The following PRKN variants were observed in gnomAD, a reference collection of about 807,000 sequenced individuals.
The protein encoded by PRKN is parkin RBR E3 ubiquitin protein ligase, also known as E3 ubiquitin-protein ligase parkin.
A neutral mutation model predicts 59.5 loss-of-function variants in PRKN; 56 were observed. The ratio of observed to expected loss-of-function variants is 0.94; its 90% confidence interval spans 0.76 to 1.18. PRKN has a LOEUF of 1.18. PRKN is among the 50% of genes most tolerant of loss of function. The probability of loss-of-function intolerance (pLI) is 0.00; values close to 1 mark genes in which losing one functional copy is unlikely to be tolerated. For missense variants in PRKN, 657 were observed against 596.4 expected (o/e 1.10, Z -1.06); for synonymous variants, 250 against 222.1 (o/e 1.13, Z -1.12).
rs1780762908 is a variant in PRKN at position 161,970,539 on chromosome 6, A to G, written c.734+2763T>C. On this transcript the variant is annotated intron_variant, in intron 6 of 11. Coordinates refer to ENST00000366898, the MANE Select transcript of PRKN (RefSeq NM_004562.3). ...CATGAGGGTAAAAATAACTTCTAAC[A>G]CTTTTTTTTTTTCTTGAGACGGAGT... 2.0e-5 allele frequency among the ~76,000 whole-genome samples: 3 copies of G among 149,430 alleles called. No individual in the cohort carries two copies. In the South Asian group the frequency reaches 6.4e-4, roughly 32 times the overall value.
chr6:161,707,069 G>C (rs1407950126), intron 7 of PRKN, among the ~76,000 whole-genome samples: 3 of 152,084 alleles, frequency 2.0e-5, no homozygotes, highest in Admixed American at 6.5e-5. Flanking sequence ...CTCATTGTCG[G>C]TTTTATACAT....
intron 9 of PRKN, among the ~76,000 whole-genome samples, chr6:161,534,946 G>C (rs751130892): frequency 2.4e-4 from 36 of 152,236 alleles, no homozygotes; most frequent in Non-Finnish European, 4.3e-4. Flanking sequence ...ACTTCTGTTA[G>C]AAATGTAAAT....
At position 161,481,419 on chromosome 6, in the gene PRKN, A is replaced by G. The variant is rs79241786; in HGVS notation, c.1083+67435T>C. On this transcript the variant is annotated intron_variant, in intron 9 of 11. Coordinates refer to ENST00000366898, the MANE Select transcript of PRKN (RefSeq NM_004562.3). Reference sequence around the variant, plus strand: ...AGAGATTGAGACCATCCTGGCCAACATGGTGAAACCCCATCTCTACTAAAA... The same window carrying G: ...AGAGATTGAGACCATCCTGGCCAACGTGGTGAAACCCCATCTCTACTAAAA... Among the ~76,000 whole-genome samples, 47 of 152,232 alleles carry G rather than the reference A, an allele frequency of 3.1e-4. No homozygotes were observed. In the East Asian group the frequency reaches 7.1e-3, roughly 23 times the overall value.
chr6:162,262,708 C>T lies in PRKN; in HGVS notation c.229G>A (p.Gly77Ser). The T allele has an allele frequency of 6.2e-7, 1 of 1,612,284 alleles. No homozygotes were observed. Among genetic ancestry groups the T allele is most frequent in the East Asian group, 2.2e-5 (1 of 44,822 alleles). The change falls in exon 3 of 12, where the codon GGT (glycine) becomes AGT (serine). Residue 77 changes from glycine to serine, a missense_variant. Coordinates refer to ENST00000366898, the MANE Select transcript of PRKN (RefSeq NM_004562.3). ...CCTCCAGTTGCATTCATTTCTTGACCTTTTCTCCACGGTCTCTGCACAATG... is the reference window on the plus strand; with the variant it reads ...CCTCCAGTTGCATTCATTTCTTGACTTTTTCTCCACGGTCTCTGCACAATG... ...VHIVQRPWRKGQEMNATGGDD... is the reference protein window; with the variant it reads ...VHIVQRPWRKSQEMNATGGDD...
At chr6:162,093,128 G>A (rs1460257632) in intron 4 of PRKN, among the ~76,000 whole-genome samples, 3 of 152,230 alleles carry the variant, frequency 2.0e-5, no homozygotes, top group South Asian at 2.1e-4. Context: ...TACAGATAGG[G>A]CTATCACAGT....
chr6:162,166,314 T>C (rs978128011), intron 4 of PRKN, among the ~76,000 whole-genome samples: 1 of 152,098 alleles, frequency 6.6e-6, no homozygotes, highest in African/African-American at 2.4e-5. Context: ...CATGACTCTT[T>C]ATATGACCCT....
intron 6 of PRKN, among the ~76,000 whole-genome samples, chr6:161,903,624 C>T (rs1583323860): frequency 1.3e-5 from 2 of 151,912 alleles, no homozygotes; most frequent in South Asian, 2.1e-4. Flanking sequence ...GACATGAGCT[C>T]ATATTTTATT....
chr6:161,785,045 T>C (rs529908915), intron 7 of PRKN, among the ~76,000 whole-genome samples: 168 of 152,274 alleles, frequency 1.1e-3, no homozygotes, highest in Non-Finnish European at 1.8e-3. Context: ...TTATAGGAAA[T>C]ACCTACAATA....
At chr6:162,448,974 G>A (rs558712931) in intron 1 of PRKN, among the ~76,000 whole-genome samples, 34 of 150,072 alleles carry the variant, frequency 2.3e-4, no homozygotes, top group Non-Finnish European at 3.7e-4. Flanking sequence ...TGCAACCTCC[G>A]CCTCGCAGGT....
At position 161,487,099 on chromosome 6, in the gene PRKN, C is replaced by T. The variant is rs996096383; in HGVS notation, c.1083+61755G>A. Among the ~76,000 whole-genome samples the T allele has an allele frequency of 3.9e-5, 6 of 152,074 alleles. No homozygotes were observed. The highest frequency in any genetic ancestry group is 9.7e-5 in the African/African-American group (4 of 41,398). On this transcript the variant is annotated intron_variant, in intron 9 of 11. Coordinates refer to ENST00000366898, the MANE Select transcript of PRKN (RefSeq NM_004562.3). This position sits in a 1 kb window ranked among gnomAD's most constrained non-coding sequence, Gnocchi z 5.3. ...AAAGATGGGTGTCCTGGTTGAGGGG[C>T]GATGAGGTAAGAATGACTAATGCTT...
In PRKN at chr6:161,562,126, C is replaced by T. The variant is rs1373480179; in HGVS notation, c.933+7229G>A. 6.6e-6 allele frequency among the ~76,000 whole-genome samples: 1 copy of T among 152,048 alleles called. No homozygotes were observed. Among genetic ancestry groups the T allele is most frequent in the African/African-American group, 2.4e-5 (1 of 41,396 alleles). On this transcript the variant is annotated intron_variant, in intron 8 of 11. Transcript: ENST00000366898. The surrounding 1 kb of genome is among the most constrained non-coding windows in gnomAD (Gnocchi z 4.3). ...TCTCAGCTTCCCAAACACCATAAAT[C>T]AGCATTCCTCCTCTGGAAGCCCCGC...
At chr6:161,899,017 C>T (rs1047123042) in intron 6 of PRKN, among the ~76,000 whole-genome samples, 4 of 152,206 alleles carry the variant, frequency 2.6e-5, no homozygotes, top group Non-Finnish European at 5.9e-5. Context: ...GCTCCTCTGC[C>T]CAAAGCATCG....
intron 8 of PRKN, among the ~76,000 whole-genome samples, chr6:161,559,530 C>T (rs773066124): frequency 4.6e-5 from 7 of 152,344 alleles, no homozygotes; most frequent in Admixed American, 6.5e-5. Context: ...GATAAATGAG[C>T]GTTGCCTCTG....
At chr6:162,005,954 T>TAC (rs1782235870) in intron 5 of PRKN, among the ~76,000 whole-genome samples, 1 of 152,234 alleles carries the variant, frequency 6.6e-6, no homozygotes, top group Admixed American at 6.5e-5. Flanking sequence ...AGTGTATATA[T>TAC]ATATATATCT....
chr6:161,854,109 G>A (rs1434676088), intron 6 of PRKN, among the ~76,000 whole-genome samples: 2 of 138,332 alleles, frequency 1.4e-5, no homozygotes, highest in African/African-American at 5.3e-5. Flanking sequence ...AAAAAAATTA[G>A]CCAGGCATAG....
At chr6:161,742,322 T>C (rs1315362415) in intron 7 of PRKN, among the ~76,000 whole-genome samples, 1 of 152,180 alleles carries the variant, frequency 6.6e-6, no homozygotes, top group Non-Finnish European at 1.5e-5. Flanking sequence ...AGCTGTCATG[T>C]AAGATGCGTC....
chr6:162,224,088 A>ATT (rs150578731), intron 3 of PRKN, among the ~76,000 whole-genome samples: 11 of 150,786 alleles, frequency 7.3e-5, no homozygotes, highest in African/African-American at 2.2e-4. Flanking sequence ...CCCCAAAAAG[A>ATT]TTTTTTTTTC....
intron 2 of PRKN, among the ~76,000 whole-genome samples, chr6:162,396,920 G>A (rs961161606): frequency 1.3e-5 from 2 of 152,014 alleles, no homozygotes; most frequent in Non-Finnish European, 2.9e-5. Flanking sequence ...TAAACACACA[G>A]GCATGAACAC....
At chr6:162,316,541 T>C (rs1782760738) in intron 2 of PRKN, among the ~76,000 whole-genome samples, 2 of 152,188 alleles carry the variant, frequency 1.3e-5, no homozygotes, top group African/African-American at 4.8e-5. Flanking sequence ...CTTTCTTTCA[T>C]GCACACATTC....
Sources: allele counts gnomAD v4.1 joint callset (sites outside exome capture counted in the v4.1 genomes callset), GRCh38; gene constraint gnomAD v4.1.1; non-coding constraint Gnocchi (gnomAD v3.1); transcripts MANE v1.5; gene names NCBI Gene and HGNC (gene_info 2026-07-23, HGNC 2026-07-21).